COG6: variants seen among roughly 807,000 people sequenced by gnomAD.
COG6 encodes the protein conserved oligomeric Golgi complex subunit 6.
Under a neutral mutation model 88.8 loss-of-function variants are expected in COG6, and 74 were observed. The ratio of observed to expected loss-of-function variants is 0.83; its 90% confidence interval spans 0.69 to 1.01. The LOEUF (loss-of-function observed/expected upper bound fraction) is 1.01, where lower values mean the gene tolerates loss of function less well. Among genes scored for constraint, COG6 ranks in the 50% least tolerant of loss-of-function variants. COG6 has a pLI of 0.00. For synonymous variants in COG6, 286 were observed against 278.7 expected, an observed-to-expected ratio of 1.03 and a Z score of -0.26; for missense variants, 800 against 797.9, an observed-to-expected ratio of 1.00 and a Z score of -0.03.
At chr13:39,730,210 A>T (rs1360875822) in intron 18 of COG6, among the ~76,000 whole-genome samples, 1 of 152,144 alleles carries the variant, frequency 6.6e-6, no homozygotes, top group Admixed American at 6.6e-5. Flanking sequence ...CTTACTATTT[A>T]TAATGACATT....
At chr13:39,699,861 A>G (rs539229066) in intron 13 of COG6, among the ~76,000 whole-genome samples, 2 of 151,826 alleles carry the variant, frequency 1.3e-5, no homozygotes, top group African/African-American at 4.8e-5. Flanking sequence ...TTTTACTACC[A>G]TTTTTTTCTA....
chr13:39,749,201 T>G (rs2138144493), intron 18 of COG6, among the ~76,000 whole-genome samples: 1 of 152,308 alleles, frequency 6.6e-6, no homozygotes, highest in South Asian at 2.1e-4. Flanking sequence ...CAGTGGTGGC[T>G]CAAGAGCCCA....
intron 13 of COG6, among the ~76,000 whole-genome samples, chr13:39,715,273 A>G (rs113583060): frequency 9.1e-6 from 1 of 109,638 alleles, no homozygotes; most frequent in Admixed American, 9.5e-5. Context: ...CTCTCTCTCT[A>G]TACACACACA....
intron 13 of COG6, among the ~76,000 whole-genome samples, chr13:39,714,767 T>C (rs1403471663): frequency 6.6e-6 from 1 of 152,194 alleles, no homozygotes; most frequent in African/African-American, 2.4e-5. Context: ...CACTACTGGG[T>C]ATCTACCCAA....
intron 8 of COG6, chr13:39,682,617 C>A: frequency 4.6e-6 from 1 of 216,142 alleles, no homozygotes; most frequent in South Asian, 7.3e-5. Flanking sequence ...GAAGTCATAT[C>A]AGTACTGAGA....
intron 18 of COG6, among the ~76,000 whole-genome samples, chr13:39,747,657 T>C (rs575615856): frequency 3.5e-4 from 53 of 152,324 alleles, no homozygotes; most frequent in African/African-American, 1.3e-3. Context: ...CTTGATTTTA[T>C]TTAATTATCT....
chr13:39,691,830 A>T (rs1053939253), intron 11 of COG6, among the ~76,000 whole-genome samples: 1 of 151,938 alleles, frequency 6.6e-6, no homozygotes, highest in Non-Finnish European at 1.5e-5. Flanking sequence ...TCCCACTCAT[A>T]CAAAATTTCT....
At chr13:39,704,720 A>C (rs1451887317) in intron 13 of COG6, among the ~76,000 whole-genome samples, 1 of 152,180 alleles carries the variant, frequency 6.6e-6, no homozygotes, top group Admixed American at 6.5e-5. Context: ...TGAACAGAAT[A>C]GGATGAAAAT....
At chr13:39,746,629 G>A (rs1880366017) in intron 18 of COG6, among the ~76,000 whole-genome samples, 1 of 152,126 alleles carries the variant, frequency 6.6e-6, no homozygotes, top group East Asian at 1.9e-4. Flanking sequence ...TATTGTTTGA[G>A]ACTGTGTATT....
intron 3 of COG6, among the ~76,000 whole-genome samples, chr13:39,662,912 T>C (rs577000513): frequency 2.0e-5 from 3 of 152,172 alleles, no homozygotes; most frequent in South Asian, 4.1e-4. Context: ...GTATCCTCAC[T>C]TTCCCTTTTT....
chr13:39,659,160 A>G (rs1874726010), intron 1 of COG6, among the ~76,000 whole-genome samples: 1 of 152,196 alleles, frequency 6.6e-6, no homozygotes. Context: ...ATAATCTTGT[A>G]TATATAACAC....
chr13:39,747,160 CGT>C (rs1365152527), intron 18 of COG6, among the ~76,000 whole-genome samples: 1 of 152,074 alleles, frequency 6.6e-6, no homozygotes, highest in Non-Finnish European at 1.5e-5. Context: ...GTAATTTACT[CGT>C]CTATACCATT....
chr13:39,782,726 A>G (rs1881666715), intron 18 of COG6, among the ~76,000 whole-genome samples: 1 of 152,168 alleles, frequency 6.6e-6, no homozygotes, highest in Non-Finnish European at 1.5e-5. Flanking sequence ...CCCCATCACA[A>G]CAGGGGCTAG....
At chr13:39,736,640 G>A (rs536339141) in intron 18 of COG6, among the ~76,000 whole-genome samples, 153 of 152,276 alleles carry the variant, frequency 1.0e-3, no homozygotes, top group African/African-American at 3.2e-3. Context: ...ACGGTGAGCC[G>A]AGATCGTGCC....
At chr13:39,682,356 G>A in intron 8 of COG6, 92 bp downstream of exon 8, 1 of 729,376 alleles carries the variant, frequency 1.4e-6, no homozygotes, top group South Asian at 1.6e-5. Context: ...GTATATAATA[G>A]TTTGAGTAAT....
intron 8 of COG6, among the ~76,000 whole-genome samples, chr13:39,685,109 A>C (rs1876562912): frequency 6.6e-6 from 1 of 152,122 alleles, no homozygotes; most frequent in Admixed American, 6.5e-5. Context: ...TTTTGATAAA[A>C]ATTTTTCTTC....
chr13:39,752,410 A>C lies in COG6; in HGVS notation c.*1317A>C. On this transcript the variant is annotated 3_prime_UTR_variant, in exon 19 of 19. Coordinates refer to ENST00000455146, the MANE Select transcript of COG6 (RefSeq NM_020751.3). ...AAGAATGATTATATAATCGTTATCCATTTGGGTATAAATCTGTATTTTTAG... is the reference window on the plus strand; with the variant it reads ...AAGAATGATTATATAATCGTTATCCCTTTGGGTATAAATCTGTATTTTTAG... The C allele has an allele frequency of 9.8e-7, 1 of 1,022,446 alleles. No individual in the cohort carries two copies. The highest frequency in any genetic ancestry group is 1.3e-6 in the Non-Finnish European group (1 of 767,568). 63.3% of individuals were successfully genotyped at this position (1,022,446 alleles called of 1,614,324 possible).
rs190139483 is a variant in COG6 at position 39,788,472 on chromosome 13, T to C, written c.*116T>C. The C allele has an allele frequency of 6.4e-4, 603 of 943,400 alleles. 4 individuals are homozygous for C. In the African/African-American group the frequency reaches 8.9e-3, roughly 14 times the overall value. The allele number at this position is 943,400 out of a possible 1,614,324, so 58.4% of individuals were successfully genotyped here. On this transcript the variant is annotated 3_prime_UTR_variant, in exon 19 of 19. Transcript: ENST00000416691. ...CTATAGAAATGTGGCCAGATGGCTT[T>C]GTCATCTTCCCCTGTCTACTCTGTG... is the stretch of plus-strand genomic sequence containing the variant.
intron 8 of COG6, among the ~76,000 whole-genome samples, chr13:39,684,469 C>G (rs1876523634): frequency 6.6e-6 from 1 of 151,572 alleles, no homozygotes; most frequent in South Asian, 2.1e-4. Context: ...CCAGGATGGT[C>G]TCGATCTCCT....
Sources: allele counts gnomAD v4.1 joint callset (sites outside exome capture counted in the v4.1 genomes callset), GRCh38; gene constraint gnomAD v4.1.1; transcripts MANE v1.5; gene names NCBI Gene and HGNC (gene_info 2026-07-23, HGNC 2026-07-21).